CNTNAP2: variants seen among roughly 807,000 people sequenced by gnomAD.
CNTNAP2 encodes contactin-associated protein-like 2.
In CNTNAP2, 98 loss-of-function variants were observed where a neutral mutation model predicts 155.2. The observed-to-expected ratio is 0.63, with a 90% CI of 0.54 to 0.75. The LOEUF (loss-of-function observed/expected upper bound fraction) is 0.75. CNTNAP2 is among the 30% of genes least tolerant of loss of function. The pLI is 0.00. For missense variants in CNTNAP2, 1,727 were observed against 1,688.1 expected (o/e 1.02, Z -0.40); for synonymous variants, 651 against 631.2 (o/e 1.03, Z -0.47).
At chr7:146,283,491 C>A (rs930827237) in intron 1 of CNTNAP2, among the ~76,000 whole-genome samples, 8 of 152,054 alleles carry the variant, frequency 5.3e-5, no homozygotes, top group African/African-American at 1.9e-4. Context: ...CCTCAGCCTC[C>A]CGAGTAGCAG....
intron 8 of CNTNAP2, among the ~76,000 whole-genome samples, chr7:147,189,005 A>C (rs539679490): frequency 6.6e-6 from 1 of 152,212 alleles, no homozygotes; most frequent in African/African-American, 2.4e-5. Flanking sequence ...GTAAATCCTC[A>C]GGTGAACTCA....
intron 10 of CNTNAP2, among the ~76,000 whole-genome samples, chr7:147,414,677 C>T (rs1466008348): frequency 6.6e-6 from 1 of 151,748 alleles, no homozygotes; most frequent in East Asian, 2.0e-4. Context: ...TGCGGTGGCT[C>T]ACGCCTGTAA....
chr7:147,963,960 C>T (rs933913651), intron 14 of CNTNAP2, among the ~76,000 whole-genome samples: 1 of 152,054 alleles, frequency 6.6e-6, no homozygotes, highest in Non-Finnish European at 1.5e-5. Flanking sequence ...CCATTATGGA[C>T]TGAACTGTGT....
At chr7:147,057,277 C>A (rs1321411023) in intron 4 of CNTNAP2, among the ~76,000 whole-genome samples, 3 of 152,126 alleles carry the variant, frequency 2.0e-5, no homozygotes, top group Non-Finnish European at 4.4e-5. Flanking sequence ...AACAGCTGAG[C>A]CTAAAGCCTG....
chr7:147,545,202 GC>G (rs1030818514), intron 11 of CNTNAP2, among the ~76,000 whole-genome samples: 1 of 152,008 alleles, frequency 6.6e-6, no homozygotes, highest in Non-Finnish European at 1.5e-5. Context: ...CATCTTGTGG[GC>G]CCTGGGCACG....
chr7:146,374,756 A>G (rs1246972742), intron 1 of CNTNAP2, among the ~76,000 whole-genome samples: 3 of 152,244 alleles, frequency 2.0e-5, no homozygotes, highest in Non-Finnish European at 4.4e-5. Context: ...GATGCCATTC[A>G]TACGGATTAA....
intron 1 of CNTNAP2, among the ~76,000 whole-genome samples, chr7:146,610,536 G>A (rs1179179385): frequency 6.6e-6 from 1 of 152,090 alleles, no homozygotes; most frequent in African/African-American, 2.4e-5. Flanking sequence ...GAAAAATATA[G>A]GGAATTCAGC....
In CNTNAP2 at chr7:148,365,970, GTGTATGCATGTATACATGTGTGTATGCA is replaced by G. The variant is rs1563059724; in HGVS notation, c.3476-17667_3476-17640del. ...CATGCGTGTATGCATGTATACATGT[GTGTATGCATGTATACATGTGTGTATGCA>G]TGTATGCATGTGTGTATGCATGTAT... On this transcript the variant is annotated intron_variant, in intron 21 of 23. Coordinates refer to ENST00000361727, the MANE Select transcript of CNTNAP2 (RefSeq NM_014141.6). Among the ~76,000 whole-genome samples the G allele has an allele frequency of 6.6e-4, 2 of 3,032 alleles. 1 individual carries two copies. The highest frequency in any genetic ancestry group is 8.6e-4 in the African/African-American group (2 of 2,326). The allele number at this position is 3,032 out of a possible 152,430, so 2.0% of individuals were successfully genotyped here. A position where few individuals can be genotyped will look rare whatever the true frequency, so the allele number is the denominator to read the frequency against.
chr7:146,424,953 T>C (rs1796067228), intron 1 of CNTNAP2, among the ~76,000 whole-genome samples: 1 of 152,132 alleles, frequency 6.6e-6, no homozygotes, highest in Non-Finnish European at 1.5e-5. Flanking sequence ...AAATGAAGCC[T>C]TATAATTATC....
At chr7:147,525,509 G>C (rs1280600358) in intron 11 of CNTNAP2, among the ~76,000 whole-genome samples, 2 of 152,198 alleles carry the variant, frequency 1.3e-5, no homozygotes, top group Non-Finnish European at 2.9e-5. Context: ...CCAGATACTT[G>C]TGGGAACTAA....
intron 3 of CNTNAP2, among the ~76,000 whole-genome samples, chr7:147,031,354 G>A (rs2129250268): frequency 6.6e-6 from 1 of 152,178 alleles, no homozygotes; most frequent in East Asian, 1.9e-4. Context: ...ATTCAAATAT[G>A]CATCCATTAT....
intron 3 of CNTNAP2, among the ~76,000 whole-genome samples, chr7:147,009,860 TCA>T (rs1220479374): frequency 2.0e-5 from 3 of 152,160 alleles, no homozygotes; most frequent in African/African-American, 4.8e-5. Context: ...TACACAGTTT[TCA>T]CAGTTATTAA....
At chr7:147,022,646 G>C (rs1245747347) in intron 3 of CNTNAP2, among the ~76,000 whole-genome samples, 1 of 146,558 alleles carries the variant, frequency 6.8e-6, no homozygotes, top group African/African-American at 2.5e-5. Context: ...TATAAAATAA[G>C]ATCTCTGGAG....
At chr7:147,699,595 AT>A (rs374020694) in intron 13 of CNTNAP2, among the ~76,000 whole-genome samples, 1 of 128,562 alleles carries the variant, frequency 7.8e-6, no homozygotes, top group Non-Finnish European at 1.7e-5. Context: ...AACTTAAAAT[AT>A]AATAAATAAA....
chr7:147,835,850 G>C lies in CNTNAP2; in HGVS notation c.2099-67715G>C, dbSNP rs559393456. Among the ~76,000 whole-genome samples the C allele has an allele frequency of 5.9e-5, 9 of 152,278 alleles. No individual in the cohort carries two copies. In the South Asian group the frequency reaches 1.5e-3, roughly 25 times the overall value. ...ACTCATGTGAAGACCCATGTGAAGA[G>C]AGAGGAAGAGATTGAAGTTCTGTGG... On this transcript the variant is annotated intron_variant, in intron 13 of 23. Coordinates refer to ENST00000361727, the MANE Select transcript of CNTNAP2 (RefSeq NM_014141.6).
Position 147,586,885 on chromosome 7 carries a change from T to G in CNTNAP2, c.1897+24628T>G, listed in dbSNP as rs112993801. 9.2e-5 allele frequency among the ~76,000 whole-genome samples: 14 copies of G among 152,248 alleles called. 1 individual carries two copies. Among genetic ancestry groups the G allele is most frequent in the African/African-American group, 3.4e-4 (14 of 41,564 alleles). The stretch of plus-strand genomic sequence containing the variant: ...GTGGCCTGGCAACAGAGTCTACCAC[T>G]TATACCCACAGAAGATTAAGCATTT... On this transcript the variant is annotated intron_variant, in intron 12 of 23. Transcript: ENST00000361727.
chr7:147,164,007 A>G (rs906522749), intron 8 of CNTNAP2, among the ~76,000 whole-genome samples: 2 of 152,202 alleles, frequency 1.3e-5, no homozygotes, highest in Non-Finnish European at 1.5e-5. Context: ...AGAGATACAT[A>G]TTGACTTTTT....
chr7:147,271,008 G>A (rs959852663), intron 8 of CNTNAP2, among the ~76,000 whole-genome samples: 8 of 151,916 alleles, frequency 5.3e-5, no homozygotes, highest in Non-Finnish European at 1.0e-4. Flanking sequence ...CTGATTTTTC[G>A]GAAGTCAGCT....
At chr7:146,190,466 A>T (rs977775713) in intron 1 of CNTNAP2, among the ~76,000 whole-genome samples, 1 of 152,190 alleles carries the variant, frequency 6.6e-6, no homozygotes, top group African/African-American at 2.4e-5. Flanking sequence ...TACCACATCA[A>T]CAAACCATCT....
Sources: allele counts gnomAD v4.1 joint callset (sites outside exome capture counted in the v4.1 genomes callset), GRCh38; gene constraint gnomAD v4.1.1; transcripts MANE v1.5; gene names NCBI Gene and HGNC (gene_info 2026-07-23, HGNC 2026-07-21).